Variants in PDE4D observed in about 807,000 individuals in gnomAD.
PDE4D encodes the protein 3',5'-cyclic-AMP phosphodiesterase 4D.
In PDE4D, 24 loss-of-function variants were observed where a neutral mutation model predicts 87.4. The observed-to-expected ratio is 0.27, with a 90% CI of 0.20 to 0.39. PDE4D has a LOEUF of 0.39. PDE4D is among the 10% of genes least tolerant of loss of function. The pLI is 1.00. For synonymous variants in PDE4D, 384 were observed against 383.2 expected (o/e 1.00, Z -0.02); for missense variants, 714 against 1,041.0 (o/e 0.69, Z 4.32).
In PDE4D at chr5:59,668,881, A is replaced by G. The variant is rs565477842; in HGVS notation, c.455+224287T>C. 6.8e-4 allele frequency among the ~76,000 whole-genome samples: 53 copies of G among 77,936 alleles called. 1 individual carries two copies. The highest frequency in any genetic ancestry group is 3.0e-3 in the African/African-American group (52 of 17,266). The allele number at this position is 77,936 out of a possible 152,430, so 51.1% of individuals were successfully genotyped here. A position where few individuals can be genotyped will look rare whatever the true frequency, so the allele number is the denominator to read the frequency against. On this transcript the variant is annotated intron_variant, in intron 1 of 14. Coordinates refer to ENST00000340635, the MANE Select transcript of PDE4D (RefSeq NM_001104631.2). ...AAGAAGAAGAAGAAGAAGAAGAAGA[A>G]GAAGAAGAAGAAGAAGAAGAAGAAG... is the stretch of plus-strand genomic sequence containing the variant.
chr5:59,535,084 G>A (rs1027042564), intron 1 of PDE4D, among the ~76,000 whole-genome samples: 1 of 147,038 alleles, frequency 6.8e-6, no homozygotes, highest in African/African-American at 2.5e-5. Flanking sequence ...TGTGGGGGGG[G>A]GGTCCTCTAT....
chr5:59,955,739 C>T (rs955240263), intron 3 of PDE4D, among the ~76,000 whole-genome samples: 1 of 152,138 alleles, frequency 6.6e-6, no homozygotes, highest in Non-Finnish European at 1.5e-5. Flanking sequence ...GCTTTTATCC[C>T]GGTTACACAG....
intron 1 of PDE4D, among the ~76,000 whole-genome samples, chr5:59,304,681 T>G (rs255653): frequency 5.9e-5 from 9 of 152,212 alleles, no homozygotes; most frequent in African/African-American, 1.9e-4. Context: ...TAATTCTGTT[T>G]ATGTGGTGTA....
At chr5:59,963,990 A>G (rs749417566) in intron 3 of PDE4D, among the ~76,000 whole-genome samples, 1 of 152,196 alleles carries the variant, frequency 6.6e-6, no homozygotes, top group Non-Finnish European at 1.5e-5. Context: ...GCAGATTTTT[A>G]TAAGCAGAGT....
At chr5:59,730,767 G>C (rs914589568) in intron 1 of PDE4D, among the ~76,000 whole-genome samples, 2 of 152,094 alleles carry the variant, frequency 1.3e-5, no homozygotes, top group African/African-American at 4.8e-5. Flanking sequence ...GTGCCATATA[G>C]ACTTTGTGTG....
At chr5:59,988,611 G>C (rs781340161) in exon 3 of PDE4D, 1 of 1,599,308 alleles carries the variant, frequency 6.3e-7, no homozygotes, top group Non-Finnish European at 8.5e-7. Context: ...GAAGGCGAGA[G>C]GGGGAAGCTG....
chr5:59,910,841 T>A (rs1753361190), intron 3 of PDE4D, among the ~76,000 whole-genome samples: 1 of 152,184 alleles, frequency 6.6e-6, no homozygotes, highest in Non-Finnish European at 1.5e-5. Context: ...TACAATGCAG[T>A]AGAATCCTTG....
intron 2 of PDE4D, among the ~76,000 whole-genome samples, chr5:59,991,642 C>G (rs1561953790): frequency 6.6e-6 from 1 of 152,066 alleles, no homozygotes; most frequent in South Asian, 2.1e-4. Context: ...ACTGATTTTG[C>G]AAGAACCAAT....
At chr5:60,402,923 C>T (rs1741214084) in intron 1 of PDE4D, among the ~76,000 whole-genome samples, 2 of 152,238 alleles carry the variant, frequency 1.3e-5, no homozygotes, top group African/African-American at 2.4e-5. Flanking sequence ...CACATTGCCA[C>T]CTTCCAAAGC....
chr5:60,048,863 G>C (rs528575199), intron 2 of PDE4D, among the ~76,000 whole-genome samples: 1 of 152,194 alleles, frequency 6.6e-6, no homozygotes, highest in African/African-American at 2.4e-5. Context: ...CTCTTCTCGA[G>C]GAGTATCTTT....
chr5:59,572,545 A>T (rs185780338), intron 1 of PDE4D, among the ~76,000 whole-genome samples: 2,630 of 152,216 alleles, frequency 0.017, 83 homozygotes, highest in African/African-American at 0.059. Context: ...CAGTGGCGCT[A>T]TCTGGGCTCA....
At chr5:59,055,200 G>C (rs1762159536) in intron 5 of PDE4D, among the ~76,000 whole-genome samples, 1 of 152,072 alleles carries the variant, frequency 6.6e-6, no homozygotes, top group Non-Finnish European at 1.5e-5. Context: ...CATTTCATTG[G>C]CAAATGAACA....
intron 1 of PDE4D, among the ~76,000 whole-genome samples, chr5:59,456,499 T>A (rs1162614166): frequency 6.6e-6 from 1 of 152,152 alleles, no homozygotes; most frequent in Non-Finnish European, 1.5e-5. Flanking sequence ...TATTTCTTTA[T>A]CAACAGCATG....
intron 1 of PDE4D, among the ~76,000 whole-genome samples, chr5:59,337,433 C>T (rs1204341911): frequency 1.3e-5 from 2 of 149,890 alleles, no homozygotes; most frequent in African/African-American, 2.5e-5. Flanking sequence ...CCGGGGTTCA[C>T]GCCATTCTCC....
chr5:58,979,107 G>C (rs547642469), intron 11 of PDE4D, among the ~76,000 whole-genome samples: 1 of 152,290 alleles, frequency 6.6e-6, no homozygotes, highest in African/African-American at 2.4e-5. Flanking sequence ...AATTAAGGCT[G>C]TTGACCCTGC....
At chr5:60,422,695 T>A (rs1383905322) in intron 1 of PDE4D, among the ~76,000 whole-genome samples, 4 of 152,088 alleles carry the variant, frequency 2.6e-5, no homozygotes, top group Admixed American at 2.6e-4. Context: ...CACATAACAA[T>A]ATTAACCTTA....
chr5:59,687,662 A>G (rs1750124172), intron 1 of PDE4D, among the ~76,000 whole-genome samples: 1 of 152,224 alleles, frequency 6.6e-6, no homozygotes, highest in Non-Finnish European at 1.5e-5. Flanking sequence ...TGCATCAACT[A>G]ATGAGCAAAA....
intron 2 of PDE4D, among the ~76,000 whole-genome samples, chr5:59,993,223 T>A (rs1435073): frequency 0.36 from 54,854 of 152,022 alleles, 11,391 homozygotes; most frequent in East Asian, 0.73. Flanking sequence ...GGCTTATGAG[T>A]CTGAATAAGT....
At chr5:59,703,243 A>T (rs896037576) in intron 1 of PDE4D, among the ~76,000 whole-genome samples, 2 of 152,214 alleles carry the variant, frequency 1.3e-5, no homozygotes, top group African/African-American at 4.8e-5. Flanking sequence ...TATAAACTAC[A>T]AAGAATTGTC....
Sources: gnomAD v4.1 joint callset for allele counts (sites outside exome capture counted in the v4.1 genomes callset) on GRCh38, gnomAD v4.1.1 for gene constraint, MANE v1.5 for transcripts, NCBI Gene and HGNC (gene_info 2026-07-23, HGNC 2026-07-21) for gene names.